The following CEACAM20 variants were observed in gnomAD, a reference collection of about 807,000 sequenced individuals.
The protein encoded by CEACAM20 is CEA cell adhesion molecule 20, also known as cell adhesion molecule CEACAM20.
CEACAM20 carries 50 observed loss-of-function variants against 61.2 expected under a neutral mutation model. The ratio of observed to expected loss-of-function variants is 0.82; its 90% CI spans 0.65 to 1.03. The LOEUF is 1.03. CEACAM20 is among the 50% of genes least tolerant of loss of function. The pLI, the probability that CEACAM20 is intolerant of heterozygous loss-of-function variation, is 0.00. For missense variants in CEACAM20, 683 were observed against 736.4 expected (o/e 0.93, Z 0.84); for synonymous variants, 282 against 287.7 (o/e 0.98, Z 0.20).
intron 11 of CEACAM20, among the ~76,000 whole-genome samples, chr19:44,509,361 TA>T (rs11308073): frequency 0.33 from 47,637 of 144,998 alleles, 7,742 homozygotes; most frequent in South Asian, 0.46. Flanking sequence ...GCAACGAAAT[TA>T]AAAAAAAAAC....
chr19:44,527,493 T>TA (rs1186151703), intron 1 of CEACAM20, among the ~76,000 whole-genome samples: 1 of 152,150 alleles, frequency 6.6e-6, no homozygotes, highest in Non-Finnish European at 1.5e-5. Flanking sequence ...CTCACTTAAC[T>TA]GTCATAAGGA....
intron 6 of CEACAM20, among the ~76,000 whole-genome samples, chr19:44,516,279 T>G (rs1971150831): frequency 6.6e-6 from 1 of 152,192 alleles, no homozygotes; most frequent in African/African-American, 2.4e-5. Context: ...TGGGTATATC[T>G]CTGACTCATT....
intron 3 of CEACAM20, 99 bp from the exon 4 acceptor site, chr19:44,523,011 C>T: frequency 2.9e-6 from 3 of 1,049,436 alleles, no homozygotes; most frequent in Non-Finnish European, 2.8e-6. Context: ...TTTCCCTCCT[C>T]CCCACTCAAA....
rs1281484464 is a variant in CEACAM20 at position 44,517,121 on chromosome 19, C to G, written c.1134G>C (p.Glu378Asp). Residue 378 changes from glutamate to aspartate, a missense_variant, in exon 6 of 12, where the codon GAG becomes GAC. Glu to Asp is a conservative substitution (Grantham distance 45). Coordinates refer to ENST00000614924, the MANE Select transcript of CEACAM20 (RefSeq NM_001102597.3). ...AGCGATACTCAGCACCTGGCTTGGA[C>G]TCGGCCCAACACTGCAGGGTCAGGC... is the stretch of plus-strand genomic sequence containing the variant. ...NSSLTLQCWAESKPGAEYRWT... is the reference protein window; with the variant it reads ...NSSLTLQCWADSKPGAEYRWT... 3.1e-6 allele frequency: 5 copies of G among 1,613,302 alleles called. No individual in the cohort carries two copies. Among genetic ancestry groups the G allele is most frequent in the South Asian group, 1.1e-5 (1 of 90,936 alleles).
In CEACAM20 at chr19:44,524,050, G is replaced by T; in HGVS notation, c.408C>A (p.Tyr136Ter). 1 of 1,564,592 alleles carries T rather than the reference G, an allele frequency of 6.4e-7. No homozygotes were observed. Among genetic ancestry groups the T allele is most frequent in the African/African-American group, 1.3e-5 (1 of 74,204 alleles). ...GAAGGGCATCTCGAGCTTCACATTG[G>T]TAAGTCCCTGAGTCCTCCCGCTGGA... The part of the protein sequence containing the change: ...LIVQREDSGT[Y>*]QCEARDALLS... Residue 136 changes from tyrosine (Y) to a stop codon, truncating the protein, a stop_gained, in exon 3 of 12, where the codon TAC becomes TAA. Coordinates refer to ENST00000614924, the MANE Select transcript of CEACAM20 (RefSeq NM_001102597.3). LOFTEE classifies it high-confidence loss of function.
chr19:44,511,573 A>C, intron 10 of CEACAM20, 64 bp downstream of exon 10: 1 of 1,479,778 alleles, frequency 6.8e-7, no homozygotes, highest in Non-Finnish European at 9.3e-7. Flanking sequence ...CTTATCACAT[A>C]TAAAATTTTC....
In CEACAM20 at chr19:44,520,503, CG is replaced by C. The variant is rs771186262; in HGVS notation, c.1000del (p.Arg334GlyfsTer7). On this transcript the variant is annotated frameshift_variant, in exon 5 of 12. Coordinates refer to ENST00000614924, the MANE Select transcript of CEACAM20 (RefSeq NM_001102597.3). LOFTEE classifies it high-confidence loss of function. ...GATGGTCAGCTCAAGGGGCTCACTC[CG>C]GGCCCGGCTGCCCCAGTTCCAGACC... ...CEVWNWGSRA[R>X]SEPLELTINY... 9.3e-6 allele frequency: 15 copies of C among 1,613,328 alleles called. No individual in the cohort carries two copies. In the South Asian group the frequency reaches 1.6e-4, roughly 18 times the overall value.
chr19:44,509,875 T>A (rs1244371730), intron 11 of CEACAM20, among the ~76,000 whole-genome samples: 1 of 151,620 alleles, frequency 6.6e-6, no homozygotes, highest in African/African-American at 2.4e-5. Flanking sequence ...ACCAATCAAA[T>A]GGAAATGAAT....
chr19:44,517,193 C>T lies in CEACAM20; in HGVS notation c.1062G>A (p.Glu354=), dbSNP rs1479681388. The change falls in exon 6 of 12, where the codon GAG becomes GAA. Residue 354 remains glutamate, a synonymous_variant. Transcript: ENST00000614924. The part of the protein sequence containing the change: ...YGPDQVHITR[E]SASEMISTIE... ...TGGTGCTGATCATCTCAGATGCCGACTCCCTGGTGATGTGCACTTGGTCAG... is the reference window on the plus strand; with the variant it reads ...TGGTGCTGATCATCTCAGATGCCGATTCCCTGGTGATGTGCACTTGGTCAG... 1.2e-6 allele frequency: 2 copies of T among 1,609,470 alleles called. No individual in the cohort carries two copies. The highest frequency in any genetic ancestry group is 3.3e-5 in the Admixed American group (2 of 60,008).
intron 1 of CEACAM20, among the ~76,000 whole-genome samples, chr19:44,527,176 T>A (rs1219659304): frequency 1.3e-5 from 2 of 152,120 alleles, no homozygotes; most frequent in Non-Finnish European, 2.9e-5. Context: ...GAGATAATAG[T>A]AGAACTCAGC....
In CEACAM20 at chr19:44,524,174, A is replaced by G. The variant is rs1367351660; in HGVS notation, c.284T>C (p.Val95Ala). Reference protein sequence around the residue: ...MVTFYCTTKDVNITIHWVSNN... With the variant: ...MVTFYCTTKDANITIHWVSNN... Reference sequence around the variant, plus strand: ...GGAAACCCAGTGGATGGTAATGTTGACGTCCTTAGTGGTGCAGTAGAAGGT... The same window carrying G: ...GGAAACCCAGTGGATGGTAATGTTGGCGTCCTTAGTGGTGCAGTAGAAGGT... Residue 95 changes from valine to alanine, a missense_variant, in exon 3 of 12, where the codon GTC becomes GCC. By Grantham distance (64) the Val-to-Ala change is moderately conservative. Coordinates refer to ENST00000614924, the MANE Select transcript of CEACAM20 (RefSeq NM_001102597.3). 3 of 1,613,830 alleles carry G rather than the reference A, an allele frequency of 1.9e-6. No homozygotes were observed. In the East Asian group the frequency reaches 6.7e-5, roughly 36 times the overall value.
At chr19:44,528,874 GTC>G (rs1047372124) in intron 1 of CEACAM20, among the ~76,000 whole-genome samples, 1 of 143,260 alleles carries the variant, frequency 7.0e-6, no homozygotes, top group African/African-American at 2.6e-5. Context: ...ATATATCTTT[GTC>G]TCTCTGTCTC....
intron 11 of CEACAM20, among the ~76,000 whole-genome samples, chr19:44,507,571 A>G (rs1970855277): frequency 6.6e-6 from 1 of 152,242 alleles, no homozygotes; most frequent in African/African-American, 2.4e-5. Context: ...ATAATAAGAG[A>G]GAAACAGCTT....
At chr19:44,515,357 T>C (rs2123579788) in intron 6 of CEACAM20, among the ~76,000 whole-genome samples, 1 of 152,304 alleles carries the variant, frequency 6.6e-6, no homozygotes, top group South Asian at 2.1e-4. Flanking sequence ...AACTCCCTGC[T>C]GCCTTCCCTG....
At chr19:44,525,748 T>C (rs1971512027) in intron 1 of CEACAM20, among the ~76,000 whole-genome samples, 2 of 152,080 alleles carry the variant, frequency 1.3e-5, no homozygotes, top group African/African-American at 4.8e-5. Context: ...AGCTGCAGCA[T>C]GTTTTTGTCC....
intron 11 of CEACAM20, among the ~76,000 whole-genome samples, chr19:44,509,274 G>A (rs1250924732): frequency 1.3e-5 from 2 of 151,804 alleles, no homozygotes; most frequent in Admixed American, 1.3e-4. Context: ...AAGGTAATGA[G>A]GGGAGAGAAG....
intron 7 of CEACAM20, 104 bp from the exon 8 acceptor site, chr19:44,513,057 C>G: frequency 7.6e-7 from 1 of 1,311,804 alleles, no homozygotes; most frequent in Non-Finnish European, 1.1e-6. Flanking sequence ...CCACAACCCT[C>G]TGAATTCCCC....
intron 5 of CEACAM20, among the ~76,000 whole-genome samples, chr19:44,519,158 A>G (rs745930990): frequency 9.2e-5 from 14 of 152,092 alleles, no homozygotes; most frequent in Non-Finnish European, 1.6e-4. Flanking sequence ...ATCCCCATTC[A>G]TGATGACCCT....
chr19:44,506,199 C>G lies in CEACAM20; in HGVS notation c.1753G>C (p.Glu585Gln), dbSNP rs1403254331. 4 of 1,613,730 alleles carry G rather than the reference C, an allele frequency of 2.5e-6. No individual in the cohort carries two copies. The highest frequency in any genetic ancestry group is 3.4e-6 in the Non-Finnish European group (4 of 1,179,822). Reference protein sequence around the residue: ...ESIYEELVNPEPNTYIQINPS... With the variant: ...ESIYEELVNPQPNTYIQINPS... ...TTGATTTGGATGTAAGTGTTGGGCTCTGGATTCACAAGCTCCTGTTAAACA... is the reference window on the plus strand; with the variant it reads ...TTGATTTGGATGTAAGTGTTGGGCTGTGGATTCACAAGCTCCTGTTAAACA... The change falls in exon 12 of 12, where the codon GAG (glutamate) becomes CAG (glutamine). Residue 585 changes from glutamate (E) to glutamine (Q), a missense_variant. Physicochemically the swap from Glu to Gln is conservative, Grantham distance 29. Transcript: ENST00000614924.
Sources: gnomAD v4.1 joint callset for allele counts (sites outside exome capture counted in the v4.1 genomes callset) on GRCh38, gnomAD v4.1.1 for gene constraint, MANE v1.5 for transcripts, NCBI Gene and HGNC (gene_info 2026-07-23, HGNC 2026-07-21) for gene names.